Variants in HPSE observed in about 807,000 individuals in gnomAD.
The protein encoded by HPSE is endo-glucoronidase.
A neutral mutation model predicts 65.1 loss-of-function variants in HPSE; 48 were observed. That is an observed-to-expected ratio of 0.74 (90% CI 0.58 to 0.94). The LOEUF (loss-of-function observed/expected upper bound fraction) is 0.94, where lower values mean the gene tolerates loss of function less well. HPSE is among the 40% of genes least tolerant of loss of function. HPSE has a pLI of 0.00. For synonymous variants in HPSE, 243 were observed against 260.0 expected (o/e 0.93, Z 0.63); for missense variants, 644 against 637.5 (o/e 1.01, Z -0.11).
At chr4:83,306,551 G>A (rs1275364999) in intron 8 of HPSE, among the ~76,000 whole-genome samples, 1 of 152,126 alleles carries the variant, frequency 6.6e-6, no homozygotes, top group Non-Finnish European at 1.5e-5. Flanking sequence ...AAGTAGCTGG[G>A]ACTGAAACCG....
intron 6 of HPSE, among the ~76,000 whole-genome samples, 160 bp from the exon 7 acceptor site, chr4:83,309,655 T>C (rs978022395): frequency 4.6e-5 from 7 of 152,190 alleles, no homozygotes; most frequent in African/African-American, 1.4e-4. Flanking sequence ...AAGGGAGTTA[T>C]GAGGAGGAGT....
intron 8 of HPSE, among the ~76,000 whole-genome samples, chr4:83,307,978 T>C (rs530667381): frequency 5.3e-5 from 8 of 152,212 alleles, no homozygotes; most frequent in South Asian, 2.1e-4. Context: ...AATTTAATGA[T>C]AGCCCCTCTG....
chr4:83,331,872 G>A (rs1268571732), intron 1 of HPSE, among the ~76,000 whole-genome samples: 1 of 152,002 alleles, frequency 6.6e-6, no homozygotes, highest in Non-Finnish European at 1.5e-5. Context: ...AATATAATCT[G>A]CTTTCCCTTT....
intron 1 of HPSE, among the ~76,000 whole-genome samples, chr4:83,331,540 G>A (rs1424164017): frequency 2.0e-5 from 3 of 152,184 alleles, no homozygotes; most frequent in Non-Finnish European, 1.5e-5. Flanking sequence ...GTTAGGCTTA[G>A]GAAGTATTTT....
intron 11 of HPSE, 25 bp downstream of exon 11, chr4:83,300,935 G>A (rs755632390): frequency 1.2e-5 from 18 of 1,513,480 alleles, no homozygotes; most frequent in Non-Finnish European, 1.6e-5. Context: ...TTGAAAGTTT[G>A]GAATGAACAA....
At position 83,326,041 on chromosome 4, in the gene HPSE, G is replaced by A. The variant is rs1737141188; in HGVS notation, c.228-3677C>T. Among the ~76,000 whole-genome samples the A allele has an allele frequency of 1.3e-5, 2 of 152,032 alleles. No individual in the cohort carries two copies. On this transcript the variant is annotated intron_variant, in intron 1 of 11. Transcript: ENST00000311412. This position sits in a 1 kb window ranked among gnomAD's most constrained non-coding sequence, Gnocchi z 4.2. Reference sequence around the variant, plus strand: ...TCCAGGAGTGCCAACTTTATATGAGGGCAACGGTGAGCCATGGAAGGATCT... The same window carrying A: ...TCCAGGAGTGCCAACTTTATATGAGAGCAACGGTGAGCCATGGAAGGATCT...
At position 83,313,146 on chromosome 4, in the gene HPSE, T is replaced by C; in HGVS notation, c.641A>G (p.Lys214Arg). 6.2e-7 allele frequency: 1 copy of C among 1,613,914 alleles called. No homozygotes were observed. Among genetic ancestry groups the C allele is most frequent in the South Asian group, 1.1e-5 (1 of 91,076 alleles). The stretch of plus-strand genomic sequence containing the variant: ...TAGTTCCCAAGAAATGTTATACCCC[T>C]TGGAAGAGCAGTAGTCCAGGAGCAA... ...AQLLLDYCSS[K>R]GYNISWELGN... The change falls in exon 4 of 12, where the codon AAG (lysine) becomes AGG (arginine). Residue 214 changes from lysine to arginine, a missense_variant. Transcript: ENST00000311412.
chr4:83,320,251 C>T (rs1351121479), intron 2 of HPSE, among the ~76,000 whole-genome samples: 1 of 152,054 alleles, frequency 6.6e-6, no homozygotes, highest in Non-Finnish European at 1.5e-5. Flanking sequence ...GCTTCTGGGA[C>T]CACAACATGT....
At position 83,322,338 on chromosome 4, in the gene HPSE, C is replaced by T; in HGVS notation, c.254G>A (p.Arg85Lys). The T allele has an allele frequency of 6.2e-7, 1 of 1,613,520 alleles. No homozygotes were observed. Among genetic ancestry groups the T allele is most frequent in the Non-Finnish European group, 8.5e-7 (1 of 1,179,750 alleles). ...CCTCAGGTACGCAGGAGACAAGCCT[C>T]TGGCCAAGGTACGAAGCTTTGGAGA... Reference protein sequence around the residue: ...LGSPKLRTLARGLSPAYLRFG... With the variant: ...LGSPKLRTLAKGLSPAYLRFG... The change falls in exon 2 of 12, where the codon AGA becomes AAA. Residue 85 changes from arginine (R) to lysine (K), a missense_variant. Transcript: ENST00000311412.
chr4:83,310,488 G>A (rs910218075), intron 5 of HPSE, among the ~76,000 whole-genome samples: 11 of 152,048 alleles, frequency 7.2e-5, no homozygotes, highest in Non-Finnish European at 1.0e-4. Flanking sequence ...GGGCAACACA[G>A]GGAGACCCCA....
Position 83,312,793 on chromosome 4 carries a change from C to G in HPSE, c.673+321G>C, listed in dbSNP as rs71631368. Among the ~76,000 whole-genome samples the G allele has an allele frequency of 1.2e-4, 14 of 119,068 alleles. 1 individual carries two copies. In the South Asian group the frequency reaches 3.7e-3, roughly 32 times the overall value. The allele number at this position is 119,068 out of a possible 152,430, so 78.1% of individuals were successfully genotyped here. A position where few individuals can be genotyped will look rare whatever the true frequency, so the allele number is the denominator to read the frequency against. The stretch of plus-strand genomic sequence containing the variant: ...AGGGCAGATCACGAGGTCAGGAGAT[C>G]AAGACCATCCTGGCTAACACGGTGA... On this transcript the variant is annotated intron_variant, in intron 4 of 11. Transcript: ENST00000311412.
At chr4:83,300,173 G>GT in intron 11 of HPSE, among the ~76,000 whole-genome samples, 1 of 152,236 alleles carries the variant, frequency 6.6e-6, no homozygotes, top group East Asian at 1.9e-4. Context: ...TCAATAATTG[G>GT]TTTTTGAAAC....
At position 83,332,922 on chromosome 4, in the gene HPSE, C is replaced by G. The variant is rs980229809; in HGVS notation, c.227+1634G>C. ...CTTCATACCCATGTTCAGTAACCGC[C>G]CCCCCCCACCCCACACCCCAGCAAG... On this transcript the variant is annotated intron_variant, in intron 1 of 11. Coordinates refer to ENST00000311412, the MANE Select transcript of HPSE (RefSeq NM_001098540.3). Among the ~76,000 whole-genome samples the G allele has an allele frequency of 1.2e-4, 15 of 126,492 alleles. No homozygotes were observed. In the South Asian group the frequency reaches 1.4e-3, roughly 12 times the overall value. 83.0% of individuals were successfully genotyped at this position (126,492 alleles called of 152,430 possible).
chr4:83,311,409 T>C (rs763579625), intron 4 of HPSE, among the ~76,000 whole-genome samples: 5 of 152,182 alleles, frequency 3.3e-5, no homozygotes, highest in Non-Finnish European at 7.3e-5. Flanking sequence ...TGAGGGTCTA[T>C]TAAACAATTT....
chr4:83,305,417 G>C (rs1736113672), intron 9 of HPSE, among the ~76,000 whole-genome samples: 1 of 152,162 alleles, frequency 6.6e-6, no homozygotes, highest in African/African-American at 2.4e-5. Flanking sequence ...AAGCAATTTT[G>C]TTGGGAAGTC....
chr4:83,298,775 C>G (rs900566200), intron 11 of HPSE, among the ~76,000 whole-genome samples: 5 of 152,036 alleles, frequency 3.3e-5, no homozygotes, highest in Non-Finnish European at 5.9e-5. Context: ...CTGCAGTGAG[C>G]TGTGACCGCA....
chr4:83,326,036 A>G lies in HPSE; in HGVS notation c.228-3672T>C, dbSNP rs780782400. 3.9e-4 allele frequency among the ~76,000 whole-genome samples: 60 copies of G among 152,274 alleles called. 1 individual carries two copies. The highest frequency in any genetic ancestry group is 3.9e-4 in the Admixed American group (6 of 15,292). ...ACATGTCCAGGAGTGCCAACTTTATATGAGGGCAACGGTGAGCCATGGAAG... is the reference window on the plus strand; with the variant it reads ...ACATGTCCAGGAGTGCCAACTTTATGTGAGGGCAACGGTGAGCCATGGAAG... On this transcript the variant is annotated intron_variant, in intron 1 of 11. Coordinates refer to ENST00000311412, the MANE Select transcript of HPSE (RefSeq NM_001098540.3). The surrounding 1 kb of genome is among the most constrained non-coding windows in gnomAD (Gnocchi z 4.2).
At position 83,319,324 on chromosome 4, in the gene HPSE, G is replaced by A. The variant is rs758061024; in HGVS notation, c.499+20C>T. The A allele has an allele frequency of 4.3e-6, 7 of 1,612,782 alleles. No individual in the cohort carries two copies. In the African/African-American group the frequency reaches 6.7e-5, roughly 15 times the overall value. On this transcript the variant is annotated intron_variant, in intron 3 of 11. Coordinates refer to ENST00000311412, the MANE Select transcript of HPSE (RefSeq NM_001098540.3). ...TATCTTTGGGGCTGGAACATCTCTA[G>A]GGTGCCTTTCATTTCTTACTTGAGT... is the stretch of plus-strand genomic sequence containing the variant.
intron 1 of HPSE, among the ~76,000 whole-genome samples, chr4:83,328,557 C>T (rs1737238131): frequency 6.6e-6 from 1 of 152,106 alleles, no homozygotes; most frequent in Non-Finnish European, 1.5e-5. Flanking sequence ...ATAACAAAGA[C>T]CAAATAAGAT....
Sources: gnomAD v4.1 joint callset for allele counts (sites outside exome capture counted in the v4.1 genomes callset) on GRCh38, gnomAD v4.1.1 for gene constraint, Gnocchi (gnomAD v3.1) non-coding constraint, MANE v1.5 for transcripts, NCBI Gene and HGNC (gene_info 2026-07-23, HGNC 2026-07-21) for gene names.